TIAM2: variants seen among roughly 807,000 people sequenced by gnomAD.
TIAM2 encodes rho guanine nucleotide exchange factor TIAM2.
Under a neutral mutation model 152.9 loss-of-function variants are expected in TIAM2, and 80 were observed. The observed-to-expected ratio is 0.52, with a 90% CI of 0.44 to 0.63. The LOEUF is 0.63. Ranked by LOEUF, TIAM2 falls within the 30% of genes least tolerant of loss-of-function variation. The pLI, the probability that TIAM2 is intolerant of heterozygous loss-of-function variation, is 0.00. For synonymous variants in TIAM2, 804 were observed against 838.0 expected, an observed-to-expected ratio of 0.96 and a Z score of 0.70; for missense variants, 1,965 against 2,120.1, an observed-to-expected ratio of 0.93 and a Z score of 1.44.
chr6:155,215,684 A>AT (rs910755788), intron 15 of TIAM2, among the ~76,000 whole-genome samples: 23 of 146,774 alleles, frequency 1.6e-4, no homozygotes, highest in African/African-American at 4.5e-4. Flanking sequence ...TAAGGATCAC[A>AT]TTTTTTTTTC....
At chr6:155,140,789 G>A (rs1464660512) in intron 5 of TIAM2, among the ~76,000 whole-genome samples, 2 of 152,104 alleles carry the variant, frequency 1.3e-5, no homozygotes, top group South Asian at 2.1e-4. Context: ...GGTCTGCAGA[G>A]GTTAGGATGG....
chr6:155,000,529 CAA>C lies in TIAM2; in HGVS notation c.-209+5055_-209+5056del, dbSNP rs58867200. ...CTGGGCAACAAGAGGGAAACTGTTG[CAA>C]AAAAAAAAAAAAAAAAAGCATCCAA... On this transcript the variant is annotated intron_variant, in intron 1 of 26. Coordinates refer to ENST00000682666, the MANE Select transcript of TIAM2 (RefSeq NM_012454.4). Among the ~76,000 whole-genome samples, 460 of 97,700 alleles carry C rather than the reference CAA, an allele frequency of 4.7e-3. 3 individuals are homozygous for C. Among genetic ancestry groups the C allele is most frequent in the African/African-American group, 0.015 (389 of 25,420 alleles). The allele number at this position is 97,700 out of a possible 152,430, so 64.1% of individuals were successfully genotyped here.
chr6:155,172,687 T>TATATA (rs1491511697), intron 9 of TIAM2, among the ~76,000 whole-genome samples: 4 of 13,602 alleles, frequency 2.9e-4, no homozygotes, highest in African/African-American at 6.3e-4. Context: ...TATATATATA[T>TATATA]TTTTTTTTTT....
intron 1 of TIAM2, among the ~76,000 whole-genome samples, chr6:155,057,541 CTTTTT>C (rs71023613): frequency 6.2e-5 from 5 of 80,072 alleles, no homozygotes; most frequent in Admixed American, 1.8e-4. Context: ...CCATAATGTA[CTTTTT>C]TTTTTTTTTT....
At chr6:155,004,491 C>T (rs534291210) in intron 1 of TIAM2, among the ~76,000 whole-genome samples, 3 of 152,116 alleles carry the variant, frequency 2.0e-5, no homozygotes, top group East Asian at 3.9e-4. Flanking sequence ...CCTGGGTTCA[C>T]GCGATTCTCC....
intron 20 of TIAM2, among the ~76,000 whole-genome samples, chr6:155,248,650 A>G (rs577932610): frequency 6.6e-6 from 1 of 152,310 alleles, no homozygotes; most frequent in African/African-American, 2.4e-5. Context: ...CAAACTCCCA[A>G]TGATGGGTTA....
At chr6:155,138,004 G>A (rs1338965178) in intron 5 of TIAM2, among the ~76,000 whole-genome samples, 1 of 152,016 alleles carries the variant, frequency 6.6e-6, no homozygotes, top group African/African-American at 2.4e-5. Flanking sequence ...ACCTGGCTAA[G>A]TTTTGTCTAA....
chr6:155,129,201 A>C lies in TIAM2; in HGVS notation c.-6-17A>C. 1 of 1,603,984 alleles carries C rather than the reference A, an allele frequency of 6.2e-7. No homozygotes were observed. The highest frequency in any genetic ancestry group is 8.5e-7 in the Non-Finnish European group (1 of 1,171,964). On this transcript the variant is annotated splice_polypyrimidine_tract_variant and intron_variant, in intron 3 of 26. Coordinates refer to ENST00000682666, the MANE Select transcript of TIAM2 (RefSeq NM_012454.4). This position sits in a 1 kb window ranked among gnomAD's most constrained non-coding sequence, Gnocchi z 4.8. Reference sequence around the variant, plus strand: ...ATTTAGGCCACGGTCTTACTGATGCAACTGTTCTTAATTTAGGTTAAAATG... The same window carrying C: ...ATTTAGGCCACGGTCTTACTGATGCCACTGTTCTTAATTTAGGTTAAAATG...
At chr6:155,158,821 A>G (rs1046781480) in intron 7 of TIAM2, among the ~76,000 whole-genome samples, 1 of 150,136 alleles carries the variant, frequency 6.7e-6, no homozygotes. Flanking sequence ...TTTATCTTTA[A>G]ATAATAAGGA....
chr6:155,119,922 C>G (rs1044185883), intron 2 of TIAM2, among the ~76,000 whole-genome samples: 1 of 152,198 alleles, frequency 6.6e-6, no homozygotes, highest in African/African-American at 2.4e-5. Context: ...CTCTTCTGCT[C>G]TATTTTGTTC....
At chr6:155,200,345 C>T (rs1781447780) in intron 14 of TIAM2, among the ~76,000 whole-genome samples, 2 of 152,092 alleles carry the variant, frequency 1.3e-5, no homozygotes, top group Non-Finnish European at 2.9e-5. Flanking sequence ...AATCATGTGG[C>T]CATATATTTC....
intron 26 of TIAM2, chr6:155,255,941 C>T (rs75237392): frequency 0.05 from 7,717 of 153,904 alleles, 199 homozygotes; most frequent in East Asian, 0.13. Flanking sequence ...GCCCAGGAGG[C>T]GGAGGTTGCA....
Position 155,253,970 on chromosome 6 carries a change from T to C in TIAM2, c.4226-3T>C, listed in dbSNP as rs138409711. On this transcript the variant is annotated splice_polypyrimidine_tract_variant and splice_region_variant and intron_variant, in intron 24 of 26. Transcript: ENST00000682666. ...ACTCTTGTTTCCATTTCCTTTTACA[T>C]AGGGACAGAAAATAATTCCATATGG... The C allele has an allele frequency of 5.8e-5, 93 of 1,611,116 alleles. No homozygotes were observed. The highest frequency in any genetic ancestry group is 3.5e-4 in the African/African-American group (26 of 74,894).
rs1430613583 is a variant in TIAM2 at position 155,129,783 on chromosome 6, C to A, written c.560C>A (p.Pro187His). The change falls in exon 4 of 27, where the codon CCT becomes CAT. Residue 187 changes from proline to histidine, a missense_variant. By Grantham distance (77) the Pro-to-His change is moderately conservative. Around this residue, in one of 3 missense-constraint regions of TIAM2, gnomAD observed 1,025 missense variants for 1,119.4 expected, o/e 0.92. Transcript: ENST00000682666. The surrounding 1 kb of genome is among the most constrained non-coding windows in gnomAD (Gnocchi z 4.8). ...FHNGGNPSKV[P>H]AEDCSEPVQL... ...AATGGTGGCAACCCCAGCAAAGTGC[C>A]TGCAGAGGACTGCAGTGAGCCGGTG... 1.9e-6 allele frequency: 3 copies of A among 1,613,674 alleles called. No homozygotes were observed. The African/African-American group carries it at 4.0e-5, about 22-fold the overall frequency.
Position 155,202,883 on chromosome 6 carries a change from CAAA to C in TIAM2, c.3065-8303_3065-8301del, listed in dbSNP as rs36086677. ...CAAAACCCCATCTCTACTAAAAATACAAAAAAAAAAAAAAAAAAAATTAGCCGG... is the reference window on the plus strand; with the variant it reads ...CAAAACCCCATCTCTACTAAAAATACAAAAAAAAAAAAAAAAATTAGCCGG... On this transcript the variant is annotated intron_variant, in intron 14 of 26. Coordinates refer to ENST00000682666, the MANE Select transcript of TIAM2 (RefSeq NM_012454.4). 4.9e-3 allele frequency among the ~76,000 whole-genome samples: 535 copies of C among 109,142 alleles called. 2 individuals carry two copies. Among genetic ancestry groups the C allele is most frequent in the African/African-American group, 0.018 (478 of 26,532 alleles). 71.6% of individuals were successfully genotyped at this position (109,142 alleles called of 152,430 possible).
chr6:155,179,264 C>G lies in TIAM2; in HGVS notation c.2629-114C>G, dbSNP rs140133029. On this transcript the variant is annotated intron_variant, in intron 11 of 26. Transcript: ENST00000682666. ...TTGGCGTCTAGTTTGGAAACAGTCT[C>G]TATATAAACGGTATCTTAACAGCTT... 9 of 1,421,830 alleles carry G rather than the reference C, an allele frequency of 6.3e-6. No homozygotes were observed. In the African/African-American group the frequency reaches 1.1e-4, roughly 18 times the overall value. 88.1% of individuals were successfully genotyped at this position (1,421,830 alleles called of 1,614,324 possible).
intron 14 of TIAM2, among the ~76,000 whole-genome samples, chr6:155,200,727 AC>A (rs1299927319): frequency 1.9e-4 from 29 of 152,132 alleles, no homozygotes; most frequent in African/African-American, 6.7e-4. Flanking sequence ...ATGTGGTGAA[AC>A]CCTGTCTCTA....
chr6:155,082,666 C>CAATAAATAAATAAATAAATAAATA lies in TIAM2; in HGVS notation c.-208-7602_-208-7579dup, dbSNP rs200019932. Among the ~76,000 whole-genome samples, 512 of 141,354 alleles carry CAATAAATAAATAAATAAATAAATA rather than the reference C, an allele frequency of 3.6e-3. 3 individuals carry two copies. Among genetic ancestry groups the CAATAAATAAATAAATAAATAAATA allele is most frequent in the East Asian group, 0.016 (74 of 4,628 alleles). 92.7% of individuals were successfully genotyped at this position (141,354 alleles called of 152,430 possible). On this transcript the variant is annotated intron_variant, in intron 1 of 26. Transcript: ENST00000682666. ...ACTCCATCTCAACCCAAAAAAACCC[C>CAATAAATAAATAAATAAATAAATA]AATAAATAAATAAATAAATAAATAA... is the stretch of plus-strand genomic sequence containing the variant.
At chr6:155,065,930 A>T (rs989732372) in intron 1 of TIAM2, among the ~76,000 whole-genome samples, 2 of 152,158 alleles carry the variant, frequency 1.3e-5, no homozygotes, top group Non-Finnish European at 2.9e-5. Flanking sequence ...AGTAACTCCC[A>T]AGTTGTATGC....
Sources: allele counts gnomAD v4.1 joint callset (sites outside exome capture counted in the v4.1 genomes callset), GRCh38; gene constraint gnomAD v4.1.1; regional missense constraint gnomAD v4.1.1; non-coding constraint Gnocchi (gnomAD v3.1); transcripts MANE v1.5; gene names NCBI Gene and HGNC (gene_info 2026-07-23, HGNC 2026-07-21).